Variants in TRIO observed in about 807,000 individuals in gnomAD.
TRIO encodes the protein trio Rho guanine nucleotide exchange factor.
TRIO carries 58 observed loss-of-function variants against 351.9 expected under a neutral mutation model. That is an observed-to-expected ratio of 0.16 (90% CI 0.13 to 0.21). The LOEUF (loss-of-function observed/expected upper bound fraction) is 0.21, where lower values mean the gene tolerates loss of function less well. Ranked by LOEUF, TRIO falls within the 10% of genes least tolerant of loss-of-function variation. The pLI is 1.00. For synonymous variants in TRIO, 1,758 were observed against 1,595.7 expected (o/e 1.10, Z -2.42); for missense variants, 3,201 against 4,027.8 (o/e 0.79, Z 5.56).
intron 29 of TRIO, 88 bp from the exon 30 acceptor site, chr5:14,398,792 A>G: frequency 7.5e-7 from 1 of 1,335,188 alleles, no homozygotes. Context: ...GCATTTTTAA[A>G]ATTGTTGAAA....
At chr5:14,157,759 A>G (rs1461627377) in intron 1 of TRIO, among the ~76,000 whole-genome samples, 2 of 151,552 alleles carry the variant, frequency 1.3e-5, no homozygotes, top group African/African-American at 2.4e-5. Context: ...TAATTTTTGT[A>G]TCTTTTTTTG....
At chr5:14,376,153 A>C (rs372231091) in intron 19 of TRIO, among the ~76,000 whole-genome samples, 1 of 152,192 alleles carries the variant, frequency 6.6e-6, no homozygotes, top group South Asian at 2.1e-4. Context: ...TTCTGTTCTT[A>C]CTTATCACAA....
At chr5:14,207,994 T>TA (rs1791651427) in intron 1 of TRIO, among the ~76,000 whole-genome samples, 1 of 152,130 alleles carries the variant, frequency 6.6e-6, no homozygotes, top group South Asian at 2.1e-4. Context: ...ACAGCTATAA[T>TA]AAAAAAGATT....
At chr5:14,246,673 C>T (rs1217941191) in intron 1 of TRIO, among the ~76,000 whole-genome samples, 4 of 152,220 alleles carry the variant, frequency 2.6e-5, no homozygotes, top group Admixed American at 6.5e-5. Flanking sequence ...TTTCCCTCTC[C>T]AGTCACCCCT....
chr5:14,201,708 ACT>A (rs1320130185), intron 1 of TRIO, among the ~76,000 whole-genome samples: 2 of 152,116 alleles, frequency 1.3e-5, no homozygotes, highest in African/African-American at 4.8e-5. Context: ...TCATTTGTTA[ACT>A]CTGAATAAAT....
At chr5:14,190,604 G>A (rs375072001) in intron 1 of TRIO, among the ~76,000 whole-genome samples, 1 of 152,050 alleles carries the variant, frequency 6.6e-6, no homozygotes, top group East Asian at 1.9e-4. Flanking sequence ...AATGATTCAG[G>A]CTCATGAAAT....
chr5:14,322,220 A>C (rs1249949057), intron 9 of TRIO, among the ~76,000 whole-genome samples: 2 of 152,156 alleles, frequency 1.3e-5, no homozygotes, highest in African/African-American at 4.8e-5. Context: ...GGAATTCCCC[A>C]ATTTTGCTAA....
intron 28 of TRIO, among the ~76,000 whole-genome samples, chr5:14,396,441 A>ATCTTTTTTTTTTTTTTTTTTTTTTTTTTT: frequency 1.7e-5 from 1 of 57,692 alleles, no homozygotes; most frequent in Non-Finnish European, 4.0e-5. Context: ...ATTTCTATTT[A>ATCTTTTTTTTTTTTTTTTTTTTTTTTTTT]TCTTTTTTTT....
intron 5 of TRIO, 100 bp downstream of exon 5, chr5:14,291,328 A>C (rs1020552577): frequency 1.6e-6 from 2 of 1,268,244 alleles, no homozygotes; most frequent in African/African-American, 1.5e-5. Flanking sequence ...TGGTAAGGCT[A>C]TACTCACCGT....
intron 1 of TRIO, among the ~76,000 whole-genome samples, chr5:14,242,073 A>G (rs1248717032): frequency 1.3e-5 from 2 of 152,218 alleles, no homozygotes; most frequent in Admixed American, 6.5e-5. Flanking sequence ...GTAGATGTGC[A>G]TATTATTTTA....
intron 34 of TRIO, among the ~76,000 whole-genome samples, chr5:14,446,141 C>CCTCCCTCCCTCG (rs1200682496): frequency 2.4e-4 from 36 of 152,080 alleles, no homozygotes; most frequent in Middle Eastern, 3.4e-3. Flanking sequence ...TCCAGCCCTC[C>CCTCCCTCCCTCG]CTCCCTCCCT....
At position 14,293,143 on chromosome 5, in the gene TRIO, C is replaced by T; in HGVS notation, c.1176+9C>T. On this transcript the variant is annotated intron_variant, in intron 6 of 56. Coordinates refer to ENST00000344204, the MANE Select transcript of TRIO (RefSeq NM_007118.4). ...TTGCCATGAACTGTATGGTAAGACA[C>T]TCGGAACAGCTGGACCCTGGCATGT... 1 of 1,614,042 alleles carries T rather than the reference C, an allele frequency of 6.2e-7. No homozygotes were observed. The highest frequency in any genetic ancestry group is 8.5e-7 in the Non-Finnish European group (1 of 1,179,954).
intron 34 of TRIO, among the ~76,000 whole-genome samples, chr5:14,451,268 T>C (rs780299720): frequency 6.6e-6 from 1 of 152,178 alleles, no homozygotes. Context: ...AACTTACAGA[T>C]TAACTCAGTT....
chr5:14,317,282 TG>T (rs1284728469), intron 9 of TRIO, among the ~76,000 whole-genome samples: 17 of 152,174 alleles, frequency 1.1e-4, no homozygotes, highest in Admixed American at 2.0e-4. Flanking sequence ...AGTTCCCCAT[TG>T]TTTTGCTTCC....
intron 33 of TRIO, among the ~76,000 whole-genome samples, chr5:14,417,470 G>C (rs1749741216): frequency 6.6e-6 from 1 of 152,234 alleles, no homozygotes; most frequent in Non-Finnish European, 1.5e-5. Flanking sequence ...CAGCACAAGG[G>C]GGCAGCCCCA....
chr5:14,380,855 G>A (rs1223152035), intron 20 of TRIO, among the ~76,000 whole-genome samples: 1 of 152,132 alleles, frequency 6.6e-6, no homozygotes, highest in Non-Finnish European at 1.5e-5. Context: ...AAGAAAATGT[G>A]GCACATATAC....
intron 21 of TRIO, among the ~76,000 whole-genome samples, chr5:14,382,588 A>G (rs1017077602): frequency 2.6e-5 from 4 of 152,216 alleles, no homozygotes; most frequent in Non-Finnish European, 5.9e-5. Context: ...CCAGAGGCAC[A>G]ATGAGCTCTA....
chr5:14,395,991 A>G (rs1019828883), intron 28 of TRIO, among the ~76,000 whole-genome samples: 8 of 144,546 alleles, frequency 5.5e-5, no homozygotes, highest in African/African-American at 1.8e-4. Flanking sequence ...GCTTGCAGTG[A>G]GCCGAGATCA....
intron 27 of TRIO, among the ~76,000 whole-genome samples, chr5:14,391,406 T>A (rs1561432197): frequency 6.6e-6 from 1 of 152,262 alleles, no homozygotes; most frequent in Non-Finnish European, 1.5e-5. Flanking sequence ...TTATTTTTCC[T>A]ATTTTAATTT....
Sources: gnomAD v4.1 joint callset for allele counts (sites outside exome capture counted in the v4.1 genomes callset) on GRCh38, gnomAD v4.1.1 for gene constraint, MANE v1.5 for transcripts, NCBI Gene and HGNC (gene_info 2026-07-23, HGNC 2026-07-21) for gene names.